SMIM36: variants seen among roughly 807,000 people sequenced by gnomAD.
SMIM36 encodes the protein small integral membrane protein 36.
At chr17:55,501,662 A>G (rs1486291938) in intron 1 of SMIM36, among the ~76,000 whole-genome samples, 2 of 144,770 alleles carry the variant, frequency 1.4e-5, no homozygotes, top group Admixed American at 7.3e-5. Flanking sequence ...TATTGAATAT[A>G]TAATATATAT....
intron 4 of SMIM36, among the ~76,000 whole-genome samples, chr17:55,460,032 T>C (rs1368101039): frequency 3.3e-5 from 5 of 152,116 alleles, no homozygotes; most frequent in African/African-American, 9.7e-5. Flanking sequence ...TTGAACAAAT[T>C]GTTACTATGT....
chr17:55,490,494 G>A (rs987456131), intron 1 of SMIM36, among the ~76,000 whole-genome samples: 7 of 152,102 alleles, frequency 4.6e-5, no homozygotes, highest in Non-Finnish European at 1.0e-4. Context: ...CTCTTGGTTT[G>A]TACACTTGAC....
chr17:55,481,046 CTCTCTG>C (rs1358546876), intron 1 of SMIM36, among the ~76,000 whole-genome samples: 1 of 152,024 alleles, frequency 6.6e-6, no homozygotes, highest in Non-Finnish European at 1.5e-5. Context: ...TTTATTCTCT[CTCTCTG>C]TCTCTTTCTG....
chr17:55,454,881 TA>T (rs144805704), intron 4 of SMIM36, among the ~76,000 whole-genome samples: 46 of 152,326 alleles, frequency 3.0e-4, no homozygotes, highest in African/African-American at 1.1e-3. Flanking sequence ...TTAATGACCA[TA>T]TTTTTTTTCA....
intron 1 of SMIM36, among the ~76,000 whole-genome samples, chr17:55,496,181 C>G (rs1909804306): frequency 6.6e-6 from 1 of 152,172 alleles, no homozygotes; most frequent in South Asian, 2.1e-4. Flanking sequence ...GGCAAACCCT[C>G]CCTTGGAGCG....
intron 1 of SMIM36, among the ~76,000 whole-genome samples, chr17:55,504,321 C>G (rs796231669): frequency 0.031 from 1,772 of 57,996 alleles, 188 homozygotes; most frequent in African/African-American, 0.082. Context: ...CCACATACTT[C>G]GAAGTAAAGC....
chr17:55,532,085 C>T, the SMIM36 span, among the ~76,000 whole-genome samples: 1 of 152,164 alleles, frequency 6.6e-6, no homozygotes, highest in Non-Finnish European at 1.5e-5. Context: ...GTTTACATGT[C>T]TTTATGCCCC....
the SMIM36 span, among the ~76,000 whole-genome samples, chr17:55,518,846 A>G: frequency 1.3e-5 from 2 of 152,092 alleles, no homozygotes; most frequent in East Asian, 3.9e-4. Context: ...AGAAAAGGAA[A>G]AGTTCCTTGA....
chr17:55,501,894 A>G (rs1218999450), intron 1 of SMIM36, among the ~76,000 whole-genome samples: 2 of 49,506 alleles, frequency 4.0e-5, no homozygotes, highest in African/African-American at 1.6e-4. Flanking sequence ...AGCCGAAGCA[A>G]GGCATTGCCT....
chr17:55,474,809 C>G (rs949879489), intron 3 of SMIM36, among the ~76,000 whole-genome samples: 13 of 152,064 alleles, frequency 8.5e-5, no homozygotes, highest in Admixed American at 2.6e-4. Flanking sequence ...TAAGCCCACC[C>G]CACTAGGAAC....
intron 4 of SMIM36, among the ~76,000 whole-genome samples, chr17:55,455,860 G>A (rs1483564568): frequency 1.3e-5 from 2 of 151,906 alleles, no homozygotes; most frequent in East Asian, 3.9e-4. Context: ...GCTCACACCT[G>A]TAATCCCAGC....
chr17:55,501,737 G>T (rs545262300), intron 1 of SMIM36, among the ~76,000 whole-genome samples: 2 of 151,240 alleles, frequency 1.3e-5, no homozygotes, highest in African/African-American at 4.9e-5. Context: ...CAAGATGGCC[G>T]AATAGGAACA....
At chr17:55,487,911 G>C (rs530790952) in intron 1 of SMIM36, among the ~76,000 whole-genome samples, 2 of 152,288 alleles carry the variant, frequency 1.3e-5, no homozygotes, top group African/African-American at 4.8e-5. Flanking sequence ...GAGCCTACAC[G>C]GAGTGGGGAT....
At chr17:55,481,906 A>G (rs1303955121) in intron 1 of SMIM36, among the ~76,000 whole-genome samples, 1 of 152,174 alleles carries the variant, frequency 6.6e-6, no homozygotes, top group African/African-American at 2.4e-5. Context: ...TATGTTGCCC[A>G]GGCTTGTTTC....
At chr17:55,524,225 C>T in the SMIM36 span, among the ~76,000 whole-genome samples, 3 of 152,170 alleles carry the variant, frequency 2.0e-5, no homozygotes, top group Admixed American at 6.5e-5. Context: ...CCTCCAGCCC[C>T]ATCCATGTTT....
At chr17:55,460,589 G>A (rs1266027357) in intron 4 of SMIM36, among the ~76,000 whole-genome samples, 1 of 152,160 alleles carries the variant, frequency 6.6e-6, no homozygotes, top group Non-Finnish European at 1.5e-5. Context: ...CGGGAGCAGT[G>A]GCTCACGCCT....
At chr17:55,453,376 T>C (rs1367241919) in intron 4 of SMIM36, among the ~76,000 whole-genome samples, 2 of 152,168 alleles carry the variant, frequency 1.3e-5, no homozygotes, top group African/African-American at 4.8e-5. Flanking sequence ...AGGTTACTCC[T>C]GTTTTCTACT....
intron 1 of SMIM36, among the ~76,000 whole-genome samples, chr17:55,492,832 A>G (rs1331525785): frequency 2.0e-5 from 3 of 152,136 alleles, no homozygotes; most frequent in Non-Finnish European, 4.4e-5. Flanking sequence ...CACGGTGGCA[A>G]ATTCATTATT....
At position 55,483,533 on chromosome 17, in the gene SMIM36, C is replaced by T. The variant is rs555001980; in HGVS notation, c.*175-3953G>A. Among the ~76,000 whole-genome samples, 17 of 152,284 alleles carry T rather than the reference C, an allele frequency of 1.1e-4. 1 individual carries two copies. The highest frequency in any genetic ancestry group is 4.1e-4 in the African/African-American group (17 of 41,566). On this transcript the variant is annotated intron_variant, in intron 1 of 4. Coordinates refer to ENST00000636752, the Ensembl canonical transcript of SMIM36. ...CTAGTCAGTCGAAAAGCTTAAGAGA[C>T]GAGGACTGAGGTCCAGACTGCCTTC...
Sources: gnomAD v4.1 joint callset for allele counts (sites outside exome capture counted in the v4.1 genomes callset) on GRCh38, gnomAD v4.1.1 for gene constraint, MANE v1.5 for transcripts, NCBI Gene and HGNC (gene_info 2026-07-23, HGNC 2026-07-21) for gene names.